KAT6A: variants seen among roughly 807,000 people sequenced by gnomAD.
KAT6A encodes the protein histone acetyltransferase KAT6A.
Under a neutral mutation model 198.4 loss-of-function variants are expected in KAT6A, and 9 were observed. That is an observed-to-expected ratio of 0.05 (90% confidence interval 0.03 to 0.08). The LOEUF is 0.08. KAT6A is among the 10% of genes least tolerant of loss of function. The pLI is 1.00. For missense variants in KAT6A, 2,077 were observed against 2,509.9 expected, an observed-to-expected ratio of 0.83 and a Z score of 3.69; for synonymous variants, 890 against 883.0, an observed-to-expected ratio of 1.01 and a Z score of -0.14.
Position 41,940,988 on chromosome 8 carries a change from C to T in KAT6A, c.2893G>A (p.Gly965Arg). ...TAGCGACGGGGCAGCCTCTCACTTC[C>T]TTCTGTTAATCTGCACTTCAGAGCC... Reference protein sequence around the residue: ...PEALKCRLTEGSERLPRRYSE... With the variant: ...PEALKCRLTERSERLPRRYSE... The change falls in exon 15 of 17, where the codon GGA becomes AGA. Residue 965 changes from glycine (G) to arginine (R), a missense_variant. Coordinates refer to ENST00000265713, the MANE Select transcript of KAT6A (RefSeq NM_006766.5). 1 of 1,614,202 alleles carries T rather than the reference C, an allele frequency of 6.2e-7. No individual in the cohort carries two copies. Among genetic ancestry groups the T allele is most frequent in the South Asian group, 1.1e-5 (1 of 91,076 alleles).
At chr8:42,015,892 C>T (rs1337428562) in intron 2 of KAT6A, among the ~76,000 whole-genome samples, 1 of 152,226 alleles carries the variant, frequency 6.6e-6, no homozygotes, top group Non-Finnish European at 1.5e-5. Context: ...TATAGACACA[C>T]TCTAGACATA....
chr8:41,974,652 T>C (rs367695617), intron 8 of KAT6A, 52 bp downstream of exon 8: 17 of 1,076,544 alleles, frequency 1.6e-5, no homozygotes, highest in Non-Finnish European at 2.4e-5. Context: ...ATCTGCTGTT[T>C]CTCAGCCATG....
chr8:42,039,185 G>A (rs967455494), intron 2 of KAT6A, among the ~76,000 whole-genome samples: 5 of 152,126 alleles, frequency 3.3e-5, no homozygotes, highest in African/African-American at 1.2e-4. Flanking sequence ...TAATTCATTC[G>A]CTGCAGATCC....
chr8:42,019,307 A>G (rs1826417647), intron 2 of KAT6A, among the ~76,000 whole-genome samples: 2 of 152,156 alleles, frequency 1.3e-5, no homozygotes, highest in Non-Finnish European at 1.5e-5. Context: ...ATGTGCCAGG[A>G]ACATTTTTTT....
intron 5 of KAT6A, among the ~76,000 whole-genome samples, chr8:41,979,772 G>C (rs537912041): frequency 1.3e-5 from 2 of 152,142 alleles, no homozygotes; most frequent in Admixed American, 6.5e-5. Context: ...AGGCCGAGGC[G>C]AACAGATCAC....
chr8:42,036,954 T>A (rs556937401), intron 2 of KAT6A, among the ~76,000 whole-genome samples: 1 of 152,310 alleles, frequency 6.6e-6, no homozygotes, highest in African/African-American at 2.4e-5. Flanking sequence ...ATCATTTGTT[T>A]GAATGTCAAT....
intron 2 of KAT6A, among the ~76,000 whole-genome samples, chr8:42,041,781 A>G (rs1479731461): frequency 6.6e-6 from 1 of 152,092 alleles, no homozygotes; most frequent in Non-Finnish European, 1.5e-5. Context: ...AAAATGTTTA[A>G]ATTATTAAAT....
At chr8:42,032,483 TAA>T (rs1223919795) in intron 2 of KAT6A, among the ~76,000 whole-genome samples, 1 of 152,224 alleles carries the variant, frequency 6.6e-6, no homozygotes, top group Non-Finnish European at 1.5e-5. Flanking sequence ...CCCGATTGGC[TAA>T]AGTTATGAGA....
intron 2 of KAT6A, among the ~76,000 whole-genome samples, chr8:41,997,896 C>A (rs1247832523): frequency 6.6e-6 from 1 of 152,106 alleles, no homozygotes; most frequent in Non-Finnish European, 1.5e-5. Context: ...AAGCACTCTA[C>A]TATACAAATA....
At chr8:42,031,617 C>CTTTTTTT (rs11329714) in intron 2 of KAT6A, among the ~76,000 whole-genome samples, 1 of 65,102 alleles carries the variant, frequency 1.5e-5, no homozygotes, top group Non-Finnish European at 2.6e-5. Context: ...GGAGCATTCA[C>CTTTTTTT]TTTTTTTTTT....
At chr8:42,041,474 C>T (rs1478152181) in intron 2 of KAT6A, among the ~76,000 whole-genome samples, 2 of 152,190 alleles carry the variant, frequency 1.3e-5, no homozygotes, top group Non-Finnish European at 2.9e-5. Context: ...TGGTGGCTGA[C>T]GCCTGTAATC....
chr8:42,036,133 A>G (rs1827366377), intron 2 of KAT6A, among the ~76,000 whole-genome samples: 1 of 152,120 alleles, frequency 6.6e-6, no homozygotes, highest in African/African-American at 2.4e-5. Flanking sequence ...CATTATCTCT[A>G]TGATGTAGCA....
intron 2 of KAT6A, among the ~76,000 whole-genome samples, chr8:42,042,958 G>A (rs1373600441): frequency 6.6e-6 from 1 of 152,042 alleles, no homozygotes; most frequent in East Asian, 1.9e-4. Context: ...ACTATATAAA[G>A]ATAATTTTTT....
At chr8:42,007,733 C>T (rs1200995746) in intron 2 of KAT6A, among the ~76,000 whole-genome samples, 2 of 151,932 alleles carry the variant, frequency 1.3e-5, no homozygotes, top group African/African-American at 2.4e-5. Context: ...GAGGCCAAAG[C>T]GGGTGGATCA....
Position 41,934,284 on chromosome 8 carries a change from G to A in KAT6A, c.3936C>T (p.Asp1312=), listed in dbSNP as rs755916373. The A allele has an allele frequency of 1.1e-5, 17 of 1,613,974 alleles. No individual in the cohort carries two copies. Among genetic ancestry groups the A allele is most frequent in the East Asian group, 2.2e-5 (1 of 44,890 alleles). Residue 1312 remains aspartate (D), a synonymous_variant, in exon 17 of 17, where the codon GAC becomes GAT. Transcript: ENST00000265713. ...CATCCTCATCATCAGCGTCGTGGTC[G>A]TCATTCTGGGCAGTCTCTGCAGCTG... ...EDAAAETAQN[D]DHDADDEDDG...
At chr8:42,028,564 T>C (rs1221413945) in intron 2 of KAT6A, among the ~76,000 whole-genome samples, 1 of 152,236 alleles carries the variant, frequency 6.6e-6, no homozygotes, top group Non-Finnish European at 1.5e-5. Flanking sequence ...TAATCACTTT[T>C]GGTTTCCATT....
chr8:41,990,062 A>C (rs911747665), intron 2 of KAT6A, among the ~76,000 whole-genome samples: 4 of 152,038 alleles, frequency 2.6e-5, no homozygotes, highest in Middle Eastern at 3.4e-3. Context: ...AAAAAAAAAA[A>C]CCCAACAACT....
intron 2 of KAT6A, among the ~76,000 whole-genome samples, chr8:42,016,942 A>G (rs1826300450): frequency 6.6e-6 from 1 of 152,178 alleles, no homozygotes; most frequent in African/African-American, 2.4e-5. Context: ...TATTTTCCCC[A>G]AATTTTTATC....
rs139877562 is a variant in KAT6A at position 41,940,954 on chromosome 8, C to A, written c.2927G>T (p.Gly976Val). Residue 976 changes from glycine (G) to valine (V), a missense_variant, in exon 15 of 17, where the codon GGT becomes GTT. This residue lies in a region of KAT6A where 301 missense variants were observed against 272.2 expected (regional missense o/e 1.11). Transcript: ENST00000265713. ...GAAGCCCCTGAGGACAGCCCTGTCA[C>A]CCTCACTGTAGCGACGGGGCAGCCT... Reference protein sequence around the residue: ...SERLPRRYSEGDRAVLRGFSE... With the variant: ...SERLPRRYSEVDRAVLRGFSE... 6.2e-7 allele frequency: 1 copy of A among 1,614,210 alleles called. No homozygotes were observed. Among genetic ancestry groups the A allele is most frequent in the Non-Finnish European group, 8.5e-7 (1 of 1,180,046 alleles).
Sources: allele counts gnomAD v4.1 joint callset (sites outside exome capture counted in the v4.1 genomes callset), GRCh38; gene constraint gnomAD v4.1.1; regional missense constraint gnomAD v4.1.1; transcripts MANE v1.5; gene names NCBI Gene and HGNC (gene_info 2026-07-23, HGNC 2026-07-21).